SKP1: variants seen among roughly 807,000 people sequenced by gnomAD.
SKP1 encodes the protein S-phase kinase associated protein 1.
A neutral mutation model predicts 21.5 loss-of-function variants in SKP1; 1 was observed. The ratio of observed to expected loss-of-function variants is 0.05; its 90% CI spans 0.02 to 0.22. The LOEUF is 0.22. Among genes scored for constraint, SKP1 ranks in the 10% least tolerant of loss-of-function variants. SKP1 has a pLI of 1.00. For synonymous variants in SKP1, 59 were observed against 59.3 expected, an observed-to-expected ratio of 0.99 and a Z score of 0.03; for missense variants, 70 against 192.0, an observed-to-expected ratio of 0.36 and a Z score of 3.76.
intron 2 of SKP1, among the ~76,000 whole-genome samples, chr5:134,173,006 C>A (rs1399323917): frequency 1.5e-5 from 2 of 137,584 alleles, no homozygotes; most frequent in South Asian, 4.9e-4. Flanking sequence ...GAGCAAGACT[C>A]CGTCTCAAAA....
Position 134,157,671 on chromosome 5 carries a change from CAG to C in SKP1, c.*60_*61del, listed in dbSNP as rs1164032545. 24 of 1,279,068 alleles carry C rather than the reference CAG, an allele frequency of 1.9e-5. No individual in the cohort carries two copies. The highest frequency in any genetic ancestry group is 2.2e-5 in the Non-Finnish European group (19 of 876,104). 79.2% of individuals were successfully genotyped at this position (1,279,068 alleles called of 1,614,324 possible). On this transcript the variant is annotated 3_prime_UTR_variant, in exon 6 of 6. Transcript: ENST00000353411. ...TTTGTCTAATATTAACAATTATAAA[CAG>C]AGCAGTGCAACTAGTATTTGGAACA...
chr5:134,174,060 G>A, intron 1 of SKP1, 38 bp from the exon 2 acceptor site: 1 of 1,263,852 alleles, frequency 7.9e-7, no homozygotes, highest in Non-Finnish European at 1.2e-6. Context: ...ATTTAAGAGA[G>A]AGAGTTCTAC....
chr5:134,162,630 AC>A (rs375716876), intron 3 of SKP1, among the ~76,000 whole-genome samples: 1 of 151,026 alleles, frequency 6.6e-6, no homozygotes, highest in Admixed American at 6.6e-5. Context: ...CAGATGATCC[AC>A]CCCCCTTGGC....
intron 2 of SKP1, among the ~76,000 whole-genome samples, chr5:134,172,700 T>C (rs902409608): frequency 6.6e-5 from 10 of 151,780 alleles, no homozygotes; most frequent in East Asian, 3.9e-4. Context: ...CAGGGTAACA[T>C]AGGGAGATCC....
At chr5:134,173,683 C>T (rs1761486605) in intron 2 of SKP1, 1 of 582,480 alleles carries the variant, frequency 1.7e-6, no homozygotes, top group Non-Finnish European at 3.2e-6. Context: ...TTGGCAATCA[C>T]TTCAATGTTT....
At chr5:134,170,091 C>T (rs923500813) in intron 2 of SKP1, among the ~76,000 whole-genome samples, 18 of 151,670 alleles carry the variant, frequency 1.2e-4, no homozygotes, top group Admixed American at 1.2e-3. Context: ...ATTGCTTGAA[C>T]CCAGGAGGCA....
chr5:134,172,904 C>A (rs990573474), intron 2 of SKP1, among the ~76,000 whole-genome samples: 1 of 150,786 alleles, frequency 6.6e-6, no homozygotes, highest in African/African-American at 2.4e-5. Flanking sequence ...CCCAGCTACT[C>A]GGGAGGCTAA....
At chr5:134,168,738 A>G (rs1054927538) in intron 2 of SKP1, among the ~76,000 whole-genome samples, 2 of 152,160 alleles carry the variant, frequency 1.3e-5, no homozygotes, top group African/African-American at 2.4e-5. Flanking sequence ...AGAATGTGAA[A>G]AGAGTCAGGG....
In SKP1 at chr5:134,157,490, C is replaced by A; in HGVS notation, c.*243G>T. On this transcript the variant is annotated 3_prime_UTR_variant, in exon 6 of 6. Transcript: ENST00000353411. ...GCCCAAAATGCCACTTATAGAGAAC[C>A]CACAGTTCAGTTTTATTCAGAGCAA... 4.8e-6 allele frequency: 2 copies of A among 418,604 alleles called. No individual in the cohort carries two copies. The highest frequency in any genetic ancestry group is 8.6e-6 in the Non-Finnish European group (2 of 232,786). 25.9% of individuals were successfully genotyped at this position (418,604 alleles called of 1,614,324 possible).
intron 2 of SKP1, among the ~76,000 whole-genome samples, chr5:134,169,718 T>C (rs558102232): frequency 8.5e-5 from 13 of 152,064 alleles, no homozygotes; most frequent in African/African-American, 2.9e-4. Flanking sequence ...TACAAAAAAA[T>C]TGGCCAGGCA....
At chr5:134,171,160 G>C (rs963669634) in intron 2 of SKP1, 2 of 372,740 alleles carry the variant, frequency 5.4e-6, no homozygotes, top group Non-Finnish European at 1.0e-5. Flanking sequence ...GCTTTTATCA[G>C]AAAACAGAAG....
intron 4 of SKP1, 113 bp from the exon 5 acceptor site, chr5:134,158,708 T>C: frequency 6.6e-6 from 6 of 912,854 alleles, no homozygotes; most frequent in Non-Finnish European, 1.0e-5. Flanking sequence ...TTTTAAGAAA[T>C]TAAAGGGAGA....
At chr5:134,174,943 T>G (rs956126305) in intron 1 of SKP1, 3 of 152,144 alleles carry the variant, frequency 2.0e-5, no homozygotes, top group African/African-American at 7.2e-5. Context: ...TGGTACAGAT[T>G]AATTCAAGGC....
At chr5:134,170,966 A>C (rs1233251199) in intron 2 of SKP1, 2 of 452,930 alleles carry the variant, frequency 4.4e-6, no homozygotes, top group Non-Finnish European at 8.8e-6. Context: ...TTTTAGGGAC[A>C]CTTGGATTGC....
rs1379147737 is a variant in SKP1, at chr5:134,149,656, C to G, written c.*8077G>C. ...CACTAGCCATTCTCTGGACATCTGT[C>G]CCATTTTAAAGAATTCTGTTCTGGC... is the stretch of plus-strand genomic sequence containing the variant. On this transcript the variant is annotated 3_prime_UTR_variant, in exon 6 of 6. Coordinates refer to ENST00000353411, the MANE Select transcript of SKP1 (RefSeq NM_170679.3). 6.6e-6 allele frequency: 1 copy of G among 152,166 alleles called. No homozygotes were observed. The highest frequency in any genetic ancestry group is 2.4e-5 in the African/African-American group (1 of 41,434). 9.4% of individuals were successfully genotyped at this position (152,166 alleles called of 1,614,324 possible).
intron 3 of SKP1, chr5:134,161,381 C>T (rs1761215575): frequency 3.1e-6 from 1 of 326,962 alleles, no homozygotes; most frequent in Middle Eastern, 8.1e-4. Context: ...AGCTTCTATG[C>T]AAAAAGAAAA....
Position 134,172,974 on chromosome 5 carries a change from T to C in SKP1, c.97+952A>G, listed in dbSNP as rs6875773. The stretch of plus-strand genomic sequence containing the variant: ...TTGCAGTGAGCTGAGATCATGCCAC[T>C]TGCACACCAGCCTGGGCAACAGAGC... On this transcript the variant is annotated intron_variant, in intron 2 of 5. Transcript: ENST00000353411. Among the ~76,000 whole-genome samples the C allele has an allele frequency of 5.5e-3, 802 of 145,414 alleles. 6 individuals are homozygous for C. Among genetic ancestry groups the C allele is most frequent in the African/African-American group, 0.019 (755 of 38,868 alleles).
At position 134,174,054 on chromosome 5, in the gene SKP1, AAGAG is replaced by A. The variant is rs760025134; in HGVS notation, c.1-36_1-33del. The A allele has an allele frequency of 2.6e-5, 34 of 1,314,088 alleles. No homozygotes were observed. The South Asian group carries it at 2.7e-4, about 11-fold the overall frequency. 81.4% of individuals were successfully genotyped at this position (1,314,088 alleles called of 1,614,324 possible). A position where few individuals can be genotyped will look rare whatever the true frequency, so the allele number is the denominator to read the frequency against. On this transcript the variant is annotated intron_variant, in intron 1 of 5. Transcript: ENST00000353411. ...AAAAAGGACATTAAATATAAAATTTAAGAGAGAGAGTTCTACATGACATTTCATC... is the reference window on the plus strand; with the variant it reads ...AAAAAGGACATTAAATATAAAATTTAAGAGAGTTCTACATGACATTTCATC...
rs1031242966 is a variant in SKP1, at chr5:134,155,829, C to G, written c.*1904G>C. On this transcript the variant is annotated 3_prime_UTR_variant, in exon 6 of 6. Transcript: ENST00000353411. ...TTTGTTTTTGAGACAAGGTCTCGCT[C>G]TATTGCCTAGACTGGAGTGCAGTGG... 8 of 152,214 alleles carry G rather than the reference C, an allele frequency of 5.3e-5. No homozygotes were observed. The highest frequency in any genetic ancestry group is 1.7e-4 in the African/African-American group (7 of 41,442). The allele number at this position is 152,214 out of a possible 1,614,324, so 9.4% of individuals were successfully genotyped here. A position where few individuals can be genotyped will look rare whatever the true frequency, so the allele number is the denominator to read the frequency against.
Sources: allele counts gnomAD v4.1 joint callset (sites outside exome capture counted in the v4.1 genomes callset), GRCh38; gene constraint gnomAD v4.1.1; transcripts MANE v1.5; gene names NCBI Gene and HGNC (gene_info 2026-07-23, HGNC 2026-07-21).